Variants in EML1 observed in about 807,000 individuals in gnomAD.
The protein encoded by EML1 is EMAP like 1, also known as echinoderm microtubule-associated protein-like 1.
A neutral mutation model predicts 110.4 loss-of-function variants in EML1; 27 were observed. The observed-to-expected ratio is 0.24, with a 90% confidence interval of 0.18 to 0.34. The LOEUF (loss-of-function observed/expected upper bound fraction) is 0.34. EML1 is among the 10% of genes least tolerant of loss of function. The pLI, the probability that EML1 is intolerant of heterozygous loss-of-function variation, is 1.00. For missense variants in EML1, 741 were observed against 1,030.9 expected, an observed-to-expected ratio of 0.72 and a Z score of 3.85; for synonymous variants, 344 against 385.8, an observed-to-expected ratio of 0.89 and a Z score of 1.27.
chr14:99,929,995 A>T (rs988431756), intron 17 of EML1, among the ~76,000 whole-genome samples: 4 of 152,060 alleles, frequency 2.6e-5, no homozygotes, highest in Admixed American at 1.3e-4. Flanking sequence ...CCTTCCCAGG[A>T]TGTGGGAAGG....
intron 10 of EML1, among the ~76,000 whole-genome samples, chr14:99,908,215 G>A (rs1566931433): frequency 6.6e-6 from 1 of 152,186 alleles, no homozygotes; most frequent in South Asian, 2.1e-4. Context: ...CGGGAGCCCC[G>A]AGCTAAACCC....
At chr14:99,751,964 G>A (rs1236255806) in intron 1 of EML1, among the ~76,000 whole-genome samples, 1 of 152,122 alleles carries the variant, frequency 6.6e-6, no homozygotes, top group African/African-American at 2.4e-5. Flanking sequence ...GCAGCAGGAG[G>A]GAATGTTCAT....
At chr14:99,906,788 G>C (rs534137447) in intron 9 of EML1, 1 of 152,454 alleles carries the variant, frequency 6.6e-6, no homozygotes, top group Non-Finnish European at 1.5e-5. Context: ...AGCAGGGGTC[G>C]GACAGGGCCT....
intron 1 of EML1, among the ~76,000 whole-genome samples, chr14:99,764,833 C>A (rs952908050): frequency 6.6e-6 from 1 of 152,222 alleles, no homozygotes; most frequent in African/African-American, 2.4e-5. Context: ...TAGGGACACC[C>A]AAACCGCTGT....
At position 99,927,895 on chromosome 14, in the gene EML1, T is replaced by A. The variant is rs868797482; in HGVS notation, c.1909+7018T>A. ...GTGGTGGCGGTGGTGGTGGTGGTGG[T>A]GGTGGTGGTGGTGGTGGTATTGGTG... On this transcript the variant is annotated intron_variant, in intron 17 of 21. Coordinates refer to ENST00000262233, the MANE Select transcript of EML1 (RefSeq NM_004434.3). Among the ~76,000 whole-genome samples the A allele has an allele frequency of 1.4e-3, 28 of 20,688 alleles. 12 individuals are homozygous for A. The highest frequency in any genetic ancestry group is 5.5e-3 in the Admixed American group (9 of 1,642). The allele number at this position is 20,688 out of a possible 152,430, so 13.6% of individuals were successfully genotyped here. A position where few individuals can be genotyped will look rare whatever the true frequency, so the allele number is the denominator to read the frequency against.
At chr14:99,812,488 C>T (rs2058098402) in intron 1 of EML1, among the ~76,000 whole-genome samples, 2 of 152,000 alleles carry the variant, frequency 1.3e-5, no homozygotes, top group Middle Eastern at 3.4e-3. Flanking sequence ...GCTGTCAGAT[C>T]TCTTCCCTGC....
chr14:99,914,555 G>A lies in EML1; in HGVS notation c.1621-11G>A, dbSNP rs1244417413. 1 of 1,582,128 alleles carries A rather than the reference G, an allele frequency of 6.3e-7. No homozygotes were observed. Among genetic ancestry groups the A allele is most frequent in the South Asian group, 1.2e-5 (1 of 85,654 alleles). On this transcript the variant is annotated splice_polypyrimidine_tract_variant and intron_variant, in intron 14 of 21. Coordinates refer to ENST00000262233, the MANE Select transcript of EML1 (RefSeq NM_004434.3). The stretch of plus-strand genomic sequence containing the variant: ...TCTCAGAGCGCTTCTGTTTGTCTTG[G>A]TTATTTGTAGGGTCACACTGATGAG...
chr14:99,917,760 C>G, intron 15 of EML1, 22 bp from the exon 16 acceptor site: 1 of 1,613,310 alleles, frequency 6.2e-7, no homozygotes. Flanking sequence ...CATCAATTTA[C>G]ACTTCCTTTA....
chr14:99,796,376 C>T (rs1056559695), intron 1 of EML1, among the ~76,000 whole-genome samples: 1 of 152,118 alleles, frequency 6.6e-6, no homozygotes, highest in South Asian at 2.1e-4. Flanking sequence ...ATCTAGCCTC[C>T]TGAAAAGGCT....
At chr14:99,852,737 T>C (rs2058833452) in intron 2 of EML1, among the ~76,000 whole-genome samples, 1 of 152,220 alleles carries the variant, frequency 6.6e-6, no homozygotes, top group African/African-American at 2.4e-5. Flanking sequence ...TTTTTTTTTC[T>C]CAAGTACTTG....
chr14:99,913,356 T>C (rs1289500070), intron 13 of EML1, among the ~76,000 whole-genome samples: 1 of 152,010 alleles, frequency 6.6e-6, no homozygotes, highest in Non-Finnish European at 1.5e-5. Flanking sequence ...TTTGTATTTT[T>C]GGTAGAAATG....
intron 15 of EML1, among the ~76,000 whole-genome samples, chr14:99,916,756 C>T (rs1479902668): frequency 1.3e-5 from 2 of 152,200 alleles, no homozygotes; most frequent in Non-Finnish European, 2.9e-5. Flanking sequence ...ATTACTGCCC[C>T]CTTCACCATG....
chr14:99,923,822 T>C (rs572788418), intron 17 of EML1, among the ~76,000 whole-genome samples: 6 of 152,376 alleles, frequency 3.9e-5, no homozygotes, highest in African/African-American at 1.4e-4. Context: ...ATTTTGTTTT[T>C]TGAAATTTTT....
At chr14:99,800,322 T>C (rs187841098) in intron 1 of EML1, among the ~76,000 whole-genome samples, 18 of 152,072 alleles carry the variant, frequency 1.2e-4, no homozygotes, top group African/African-American at 3.1e-4. Context: ...AGAAGAGTTT[T>C]TCTTTCTTTA....
chr14:99,852,166 C>T (rs890062599), intron 2 of EML1, among the ~76,000 whole-genome samples: 7 of 152,210 alleles, frequency 4.6e-5, no homozygotes, highest in Non-Finnish European at 8.8e-5. Flanking sequence ...AGCTAGCTGG[C>T]GCCCTCATGT....
chr14:99,856,982 T>A (rs762385051), intron 2 of EML1, among the ~76,000 whole-genome samples: 1 of 152,114 alleles, frequency 6.6e-6, no homozygotes, highest in Non-Finnish European at 1.5e-5. Context: ...TTTTTTAAAG[T>A]CCATAATGGC....
At chr14:99,793,827 C>T (rs1394443849) in intron 1 of EML1, among the ~76,000 whole-genome samples, 1 of 150,018 alleles carries the variant, frequency 6.7e-6, no homozygotes, top group Non-Finnish European at 1.5e-5. Flanking sequence ...GGAGCGCGCC[C>T]GGGCGGAGGC....
intron 1 of EML1, among the ~76,000 whole-genome samples, chr14:99,824,752 C>T (rs746880292): frequency 2.0e-5 from 3 of 151,678 alleles, no homozygotes; most frequent in Non-Finnish European, 2.9e-5. Flanking sequence ...GCACAATAGG[C>T]GATTTTCAAT....
At position 99,941,853 on chromosome 14, in the gene EML1, A is replaced by G. The variant is rs1022456201; in HGVS notation, c.*1741A>G. The G allele has an allele frequency of 7.2e-5, 11 of 152,238 alleles. No homozygotes were observed. The highest frequency in any genetic ancestry group is 7.3e-5 in the Non-Finnish European group (5 of 68,038). 9.4% of individuals were successfully genotyped at this position (152,238 alleles called of 1,614,324 possible). ...AAGATGAGGGAAGGAAAAGGCATTC[A>G]TTATTGACTTACATGTCAGTAAGGT... is the stretch of plus-strand genomic sequence containing the variant. On this transcript the variant is annotated 3_prime_UTR_variant, in exon 22 of 22. Coordinates refer to ENST00000262233, the MANE Select transcript of EML1 (RefSeq NM_004434.3).
Sources: allele counts gnomAD v4.1 joint callset (sites outside exome capture counted in the v4.1 genomes callset), GRCh38; gene constraint gnomAD v4.1.1; transcripts MANE v1.5; gene names NCBI Gene and HGNC (gene_info 2026-07-23, HGNC 2026-07-21).